The following BCL2 variants were observed in gnomAD, a reference collection of about 807,000 sequenced individuals.
BCL2 encodes the protein BCL2 apoptosis regulator, also known as apoptosis regulator Bcl-2.
BCL2 carries 1 observed loss-of-function variant against 14.2 expected under a neutral mutation model. The ratio of observed to expected loss-of-function variants is 0.07; its 90% CI spans 0.02 to 0.33. The LOEUF is 0.33. Among genes scored for constraint, BCL2 ranks in the 10% least tolerant of loss-of-function variants. The pLI, the probability that BCL2 is intolerant of heterozygous loss-of-function variation, is 0.99. For synonymous variants in BCL2, 151 were observed against 137.2 expected, an observed-to-expected ratio of 1.10 and a Z score of -0.70; for missense variants, 247 against 305.9, an observed-to-expected ratio of 0.81 and a Z score of 1.44.
intron 2 of BCL2, among the ~76,000 whole-genome samples, chr18:63,135,968 G>A (rs1914197740): frequency 6.6e-6 from 1 of 152,002 alleles, no homozygotes; most frequent in Admixed American, 6.6e-5. Context: ...TGGGTGTGAG[G>A]TTGTATCTTA....
chr18:63,230,630 T>A (rs1910664560), intron 2 of BCL2, among the ~76,000 whole-genome samples: 1 of 152,056 alleles, frequency 6.6e-6, no homozygotes, highest in Admixed American at 6.5e-5. Context: ...CTATTAGGCA[T>A]AAAATGGGTC....
intron 2 of BCL2, among the ~76,000 whole-genome samples, chr18:63,295,360 G>T (rs1912770319): frequency 6.6e-6 from 1 of 152,132 alleles, no homozygotes; most frequent in South Asian, 2.1e-4. Context: ...CCAAGTGAAT[G>T]GTCCAGGCCA....
chr18:63,254,815 T>G (rs1053033900), intron 2 of BCL2, among the ~76,000 whole-genome samples: 1 of 152,212 alleles, frequency 6.6e-6, no homozygotes. Flanking sequence ...TTCAAGTAGA[T>G]TGCCAGAAGG....
At chr18:63,298,988 A>G (rs1267209786) in intron 2 of BCL2, among the ~76,000 whole-genome samples, 2 of 152,202 alleles carry the variant, frequency 1.3e-5, no homozygotes, top group East Asian at 3.8e-4. Context: ...TTCAAATTCC[A>G]GCCCAGCCAC....
chr18:63,188,245 A>G (rs1292081500), intron 2 of BCL2, among the ~76,000 whole-genome samples: 1 of 152,212 alleles, frequency 6.6e-6, no homozygotes, highest in Non-Finnish European at 1.5e-5. Context: ...ACATATGGAA[A>G]TAGTACAGTC....
At chr18:63,299,896 T>C (rs538205398) in intron 2 of BCL2, among the ~76,000 whole-genome samples, 1 of 152,046 alleles carries the variant, frequency 6.6e-6, no homozygotes, top group Non-Finnish European at 1.5e-5. Context: ...TCCTTAACTT[T>C]CCCAGGAAAA....
At chr18:63,246,813 G>A (rs1331010645) in intron 2 of BCL2, among the ~76,000 whole-genome samples, 2 of 152,232 alleles carry the variant, frequency 1.3e-5, no homozygotes, top group African/African-American at 4.8e-5. Flanking sequence ...CTAGGACAGT[G>A]TGTTATTTGT....
chr18:63,256,152 C>T (rs765142586), intron 2 of BCL2, among the ~76,000 whole-genome samples: 1 of 152,150 alleles, frequency 6.6e-6, no homozygotes, highest in Non-Finnish European at 1.5e-5. Flanking sequence ...TGGTTGAATG[C>T]TTAAGTTTTA....
chr18:63,227,579 A>G (rs1397293140), intron 2 of BCL2, among the ~76,000 whole-genome samples: 2 of 152,254 alleles, frequency 1.3e-5, no homozygotes, highest in Non-Finnish European at 1.5e-5. Flanking sequence ...ATACATTACA[A>G]ATCAGTGGAA....
intron 2 of BCL2, among the ~76,000 whole-genome samples, chr18:63,285,474 C>A (rs533925503): frequency 1.3e-5 from 2 of 152,330 alleles, no homozygotes; most frequent in Non-Finnish European, 2.9e-5. Flanking sequence ...TTAGTTGGAG[C>A]TGTAGCTAGG....
chr18:63,204,429 A>G (rs1351513188), intron 2 of BCL2, among the ~76,000 whole-genome samples: 1 of 152,212 alleles, frequency 6.6e-6, no homozygotes, highest in African/African-American at 2.4e-5. Context: ...CCCAGTCGCC[A>G]TATGAAGCAG....
chr18:63,184,647 G>A (rs4987792), intron 2 of BCL2, among the ~76,000 whole-genome samples: 52,560 of 152,136 alleles, frequency 0.35, 9,512 homozygotes, highest in South Asian at 0.48. Flanking sequence ...AATACAGACT[G>A]TAGCCCATCA....
Position 63,253,648 on chromosome 18 carries a change from G to T in BCL2, c.585+64434C>A, listed in dbSNP as rs539751582. ...TTGGAGATTTCTACTAGAACAATTTGATTATTTCTTTTACAGTCTACATAT... is the reference window on the plus strand; with the variant it reads ...TTGGAGATTTCTACTAGAACAATTTTATTATTTCTTTTACAGTCTACATAT... On this transcript the variant is annotated intron_variant, in intron 2 of 2. Coordinates refer to ENST00000333681, the MANE Select transcript of BCL2 (RefSeq NM_000633.3). Among the ~76,000 whole-genome samples, 3 of 152,222 alleles carry T rather than the reference G, an allele frequency of 2.0e-5. No homozygotes were observed. The South Asian group carries it at 6.2e-4, about 32-fold the overall frequency.
rs544015519 is a variant in BCL2 at position 63,125,903 on chromosome 18, G to A, written c.*2722C>T. The A allele has an allele frequency of 5.8e-4, 123 of 213,388 alleles. No homozygotes were observed. The highest frequency in any genetic ancestry group is 2.4e-3 in the South Asian group (13 of 5,340). The allele number at this position is 213,388 out of a possible 1,614,324, so 13.2% of individuals were successfully genotyped here. A position where few individuals can be genotyped will look rare whatever the true frequency, so the allele number is the denominator to read the frequency against. On this transcript the variant is annotated 3_prime_UTR_variant, in exon 3 of 3. Coordinates refer to ENST00000333681, the MANE Select transcript of BCL2 (RefSeq NM_000633.3). ...GGCAGCCAGCCAGCAATTAGCCCCC[G>A]TGACCTCTTAATATATATACATTTT...
chr18:63,138,710 A>G (rs1914276591), intron 2 of BCL2, among the ~76,000 whole-genome samples: 1 of 152,164 alleles, frequency 6.6e-6, no homozygotes, highest in Non-Finnish European at 1.5e-5. Context: ...CATTCGTGAA[A>G]CCTAATCTCC....
Position 63,124,167 on chromosome 18 carries a change from G to A in BCL2, c.*4458C>T, listed in dbSNP as rs987589237. 4.9e-5 allele frequency: 11 copies of A among 222,328 alleles called. No individual in the cohort carries two copies. The highest frequency in any genetic ancestry group is 2.5e-4 in the African/African-American group (11 of 44,702). 13.8% of individuals were successfully genotyped at this position (222,328 alleles called of 1,614,324 possible). On this transcript the variant is annotated 3_prime_UTR_variant, in exon 3 of 3. Coordinates refer to ENST00000333681, the MANE Select transcript of BCL2 (RefSeq NM_000633.3). ...GACATGGAACAGAATGATTCACTGG[G>A]TAAGACTAAAGGACTTGTATTATCA...
intron 2 of BCL2, among the ~76,000 whole-genome samples, chr18:63,177,776 T>C (rs1915383018): frequency 6.6e-6 from 1 of 152,136 alleles, no homozygotes; most frequent in African/African-American, 2.4e-5. Context: ...GGGGCGGAGA[T>C]AGGGGGTAGG....
intron 2 of BCL2, among the ~76,000 whole-genome samples, chr18:63,170,996 A>C (rs2144630921): frequency 6.6e-6 from 1 of 152,362 alleles, no homozygotes; most frequent in East Asian, 1.9e-4. Flanking sequence ...GCAGATTAGA[A>C]AAGGAACGAT....
intron 2 of BCL2, among the ~76,000 whole-genome samples, chr18:63,260,367 G>C (rs912896849): frequency 1.3e-5 from 2 of 152,112 alleles, no homozygotes; most frequent in African/African-American, 4.8e-5. Flanking sequence ...TCCAAGTTCT[G>C]GATTTATTAT....
Sources: allele counts gnomAD v4.1 joint callset (sites outside exome capture counted in the v4.1 genomes callset), GRCh38; gene constraint gnomAD v4.1.1; transcripts MANE v1.5; gene names NCBI Gene and HGNC (gene_info 2026-07-23, HGNC 2026-07-21).